Variants in ITGA1 observed in about 807,000 individuals in gnomAD.
The protein encoded by ITGA1 is integrin subunit alpha 1.
A neutral mutation model predicts 145.9 loss-of-function variants in ITGA1; 85 were observed. The observed-to-expected ratio is 0.58, with a 90% confidence interval of 0.49 to 0.70. The LOEUF (loss-of-function observed/expected upper bound fraction) is 0.70. Ranked by LOEUF, ITGA1 falls within the 30% of genes least tolerant of loss-of-function variation. The probability of loss-of-function intolerance (pLI) is 0.00; values close to 1 mark genes in which losing one functional copy is unlikely to be tolerated. For synonymous variants in ITGA1, 520 were observed against 495.3 expected (o/e 1.05, Z -0.66); for missense variants, 1,351 against 1,418.7 (o/e 0.95, Z 0.77).
At position 52,910,320 on chromosome 5, in the gene ITGA1, T is replaced by C; in HGVS notation, c.1758T>C (p.Phe586=). The change falls in exon 14 of 29, where the codon TTT becomes TTC. Residue 586 remains phenylalanine, a synonymous_variant. Transcript: ENST00000282588. ...AAVKDLNLDG[F]NDIVIGAPLE... ...TAAAAGACCTCAATCTTGATGGATT[T>C]AATGACATCGTGATAGGAGCTCCGC... is the stretch of plus-strand genomic sequence containing the variant. The C allele has an allele frequency of 6.2e-7, 1 of 1,613,986 alleles. No individual in the cohort carries two copies. The highest frequency in any genetic ancestry group is 8.5e-7 in the Non-Finnish European group (1 of 1,179,934).
chr5:52,939,748 A>G, intron 25 of ITGA1, 57 bp downstream of exon 25: 3 of 1,465,686 alleles, frequency 2.0e-6, no homozygotes, highest in African/African-American at 1.4e-5. Flanking sequence ...TAAAATTGAT[A>G]TCAATCTAGA....
At chr5:52,943,981 A>G (rs971733842) in intron 26 of ITGA1, among the ~76,000 whole-genome samples, 2 of 152,142 alleles carry the variant, frequency 1.3e-5, no homozygotes, top group Non-Finnish European at 2.9e-5. Context: ...CGCTGTGCAC[A>G]TGCTCCTGTG....
intron 7 of ITGA1, among the ~76,000 whole-genome samples, chr5:52,884,337 C>T (rs1750012911): frequency 6.6e-6 from 1 of 151,808 alleles, no homozygotes; most frequent in South Asian, 2.1e-4. Context: ...ATCCCAGCTA[C>T]TCAGGAGGCT....
chr5:52,898,293 A>G lies in ITGA1; in HGVS notation c.1219A>G (p.Met407Val), dbSNP rs779222227. ...CTATGATTGGAATGGAACAGTTGTC[A>G]TGCAGAAGGCTAGTCAAATCATAAT... Reference protein sequence around the residue: ...GAYDWNGTVVMQKASQIIIPR... With the variant: ...GAYDWNGTVVVQKASQIIIPR... Residue 407 changes from methionine to valine, a missense_variant, in exon 11 of 29, where the codon ATG (methionine) becomes GTG (valine). Coordinates refer to ENST00000282588, the MANE Select transcript of ITGA1 (RefSeq NM_181501.2). 1.9e-6 allele frequency: 3 copies of G among 1,612,248 alleles called. No individual in the cohort carries two copies. The highest frequency in any genetic ancestry group is 1.1e-5 in the South Asian group (1 of 90,830).
At chr5:52,849,575 C>A in intron 2 of ITGA1, 90 bp downstream of exon 2, 1 of 1,132,394 alleles carries the variant, frequency 8.8e-7, no homozygotes, top group Non-Finnish European at 1.2e-6. Flanking sequence ...ATGAATGAAA[C>A]TTTAACAGAA....
chr5:52,869,592 C>T (rs947800047), intron 6 of ITGA1, among the ~76,000 whole-genome samples: 2 of 152,150 alleles, frequency 1.3e-5, no homozygotes, highest in African/African-American at 2.4e-5. Flanking sequence ...ACCTCAAGAG[C>T]AAAGTCTGCA....
intron 23 of ITGA1, among the ~76,000 whole-genome samples, chr5:52,936,943 A>G (rs565402876): frequency 6.6e-6 from 1 of 152,040 alleles, no homozygotes; most frequent in East Asian, 1.9e-4. Flanking sequence ...AGGATTAGAG[A>G]TGATTTATGG....
chr5:52,893,896 A>C (rs1750187543), intron 9 of ITGA1, 56 bp downstream of exon 9: 1 of 1,387,318 alleles, frequency 7.2e-7, no homozygotes, highest in Non-Finnish European at 9.9e-7. Context: ...AATCAGTATA[A>C]TGGGATTTTT....
chr5:52,827,483 ACT>A (rs1478451420), intron 1 of ITGA1, among the ~76,000 whole-genome samples: 1 of 152,156 alleles, frequency 6.6e-6, no homozygotes, highest in Non-Finnish European at 1.5e-5. Flanking sequence ...TTGAGGATTG[ACT>A]CTAATTTTGA....
chr5:52,912,131 T>G (rs1022718585), intron 14 of ITGA1, among the ~76,000 whole-genome samples: 17 of 143,024 alleles, frequency 1.2e-4, no homozygotes, highest in African/African-American at 3.8e-4. Context: ...ACACTATATA[T>G]AGCGTATCTA....
chr5:52,864,662 C>A, intron 3 of ITGA1, 101 bp from the exon 4 acceptor site: 1 of 694,226 alleles, frequency 1.4e-6, no homozygotes. Context: ...GAAGAATGTG[C>A]TATGATATGA....
intron 8 of ITGA1, among the ~76,000 whole-genome samples, chr5:52,892,224 T>C (rs752007049): frequency 7.2e-5 from 11 of 152,100 alleles, no homozygotes; most frequent in Admixed American, 6.6e-5. Context: ...AGCAAATAAT[T>C]GTATGAAAGA....
At chr5:52,855,307 G>A (rs1156492063) in intron 2 of ITGA1, among the ~76,000 whole-genome samples, 1 of 152,048 alleles carries the variant, frequency 6.6e-6, no homozygotes, top group East Asian at 1.9e-4. Flanking sequence ...GGCATGTATA[G>A]CATCCCACTT....
At chr5:52,892,812 T>C (rs1346175259) in intron 8 of ITGA1, among the ~76,000 whole-genome samples, 1 of 152,048 alleles carries the variant, frequency 6.6e-6, no homozygotes, top group East Asian at 1.9e-4. Context: ...AGATTATTTA[T>C]CGGTGGTTGC....
intron 6 of ITGA1, among the ~76,000 whole-genome samples, chr5:52,870,259 C>A (rs527468626): frequency 6.6e-5 from 10 of 152,214 alleles, no homozygotes; most frequent in African/African-American, 2.4e-4. Context: ...CTATGATTGG[C>A]AGAATTAACT....
At chr5:52,881,625 T>C (rs1237215602) in intron 6 of ITGA1, among the ~76,000 whole-genome samples, 3 of 152,234 alleles carry the variant, frequency 2.0e-5, no homozygotes, top group Non-Finnish European at 4.4e-5. Context: ...AGTTACTCTG[T>C]AAAATCTGTT....
At chr5:52,893,648 A>G (rs1419454725) in intron 8 of ITGA1, 27 bp from the exon 9 acceptor site, 1 of 1,591,834 alleles carries the variant, frequency 6.3e-7, no homozygotes, top group Non-Finnish European at 8.6e-7. Flanking sequence ...TTTAAAATAT[A>G]TTCTTGCTGT....
intron 17 of ITGA1, among the ~76,000 whole-genome samples, chr5:52,921,251 G>A (rs1457677547): frequency 6.6e-6 from 1 of 152,110 alleles, no homozygotes; most frequent in Non-Finnish European, 1.5e-5. Context: ...AGACTTGACG[G>A]TAAACTTGGA....
chr5:52,900,880 T>C (rs1240242245), intron 11 of ITGA1, among the ~76,000 whole-genome samples: 1 of 152,234 alleles, frequency 6.6e-6, no homozygotes, highest in Non-Finnish European at 1.5e-5. Flanking sequence ...GTGTTGTCTA[T>C]TATTTTATTA....
Sources: allele counts gnomAD v4.1 joint callset (sites outside exome capture counted in the v4.1 genomes callset), GRCh38; gene constraint gnomAD v4.1.1; transcripts MANE v1.5; gene names NCBI Gene and HGNC (gene_info 2026-07-23, HGNC 2026-07-21).